BCL11A: variants seen among roughly 807,000 people sequenced by gnomAD.
BCL11A encodes the protein B cell CLL/lymphoma 11A.
BCL11A carries 2 observed loss-of-function variants against 55.9 expected under a neutral mutation model. The ratio of observed to expected loss-of-function variants is 0.04; its 90% CI spans 0.01 to 0.11. The LOEUF (loss-of-function observed/expected upper bound fraction) is 0.11, where lower values mean the gene tolerates loss of function less well. Among genes scored for constraint, BCL11A ranks in the 10% least tolerant of loss-of-function variants. The probability of loss-of-function intolerance (pLI) is 1.00; values close to 1 mark genes in which losing one functional copy is unlikely to be tolerated. For synonymous variants in BCL11A, 465 were observed against 473.4 expected, an observed-to-expected ratio of 0.98 and a Z score of 0.23; for missense variants, 817 against 1,137.1, an observed-to-expected ratio of 0.72 and a Z score of 4.05.
chr2:60,467,215 ACTG>A (rs1231775739), intron 3 of BCL11A, among the ~76,000 whole-genome samples: 2 of 45,800 alleles, frequency 4.4e-5, no homozygotes, highest in Admixed American at 2.5e-4. Context: ...CGGTGATGGT[ACTG>A]GTGATGGTGG....
chr2:60,546,761 A>G lies in BCL11A; in HGVS notation c.56-461T>C, dbSNP rs1379206835. ...TATACACCAAGTTGTCCATTGTGCC[A>G]AAGAATGAAAGGAGAGGTGAATAAA... On this transcript the variant is annotated intron_variant, in intron 1 of 3. Coordinates refer to ENST00000642384, the MANE Select transcript of BCL11A (RefSeq NM_022893.4). The surrounding 1 kb of genome is among the most constrained non-coding windows in gnomAD (Gnocchi z 4.1). Among the ~76,000 whole-genome samples the G allele has an allele frequency of 1.3e-5, 2 of 152,234 alleles. No homozygotes were observed. Among genetic ancestry groups the G allele is most frequent in the African/African-American group, 2.4e-5 (1 of 41,454 alleles).
intron 2 of BCL11A, chr2:60,538,329 G>C (rs1002170490): frequency 6.6e-6 from 1 of 152,214 alleles, no homozygotes; most frequent in Admixed American, 6.5e-5. Context: ...TGCCTTAGAG[G>C]AGCAACCTGT....
rs1420241351 is a variant in BCL11A, at chr2:60,460,469, G to A, written c.2443C>T (p.Leu815=). 1 of 1,612,120 alleles carries A rather than the reference G, an allele frequency of 6.2e-7. No homozygotes were observed. The highest frequency in any genetic ancestry group is 1.3e-5 in the African/African-American group (1 of 75,004). The change falls in exon 4 of 4, where the codon CTG becomes TTG. Residue 815 remains leucine (L), a synonymous_variant. Coordinates refer to ENST00000642384, the MANE Select transcript of BCL11A (RefSeq NM_022893.4). Reference sequence around the variant, plus strand: ...TGCCATTTTTTCATGTGTTTCTCCAGGGTACTGTACACGCTAAAAGGCATC... The same window carrying A: ...TGCCATTTTTTCATGTGTTTCTCCAAGGTACTGTACACGCTAAAAGGCATC... ...CKMPFSVYST[L]EKHMKKWHSD...
chr2:60,458,662 A>G lies in BCL11A; in HGVS notation c.*1742T>C, dbSNP rs542841237. On this transcript the variant is annotated 3_prime_UTR_variant, in exon 4 of 4. Transcript: ENST00000642384. ...ATGAGATTGTGTTCAATTTTTTTTCAGCATTCTTGCAACTTTTCCCTTAAG... is the reference window on the plus strand; with the variant it reads ...ATGAGATTGTGTTCAATTTTTTTTCGGCATTCTTGCAACTTTTCCCTTAAG... The G allele has an allele frequency of 1.9e-6, 2 of 1,030,260 alleles. No homozygotes were observed. The highest frequency in any genetic ancestry group is 6.1e-5 in the East Asian group (1 of 16,332). 63.8% of individuals were successfully genotyped at this position (1,030,260 alleles called of 1,614,324 possible). A position where few individuals can be genotyped will look rare whatever the true frequency, so the allele number is the denominator to read the frequency against.
At chr2:60,523,938 A>T (rs1399890384) in intron 2 of BCL11A, among the ~76,000 whole-genome samples, 1 of 152,230 alleles carries the variant, frequency 6.6e-6, no homozygotes, top group Non-Finnish European at 1.5e-5. Flanking sequence ...AATGTAATGG[A>T]CTATCCCATC....
At chr2:60,488,781 T>C (rs1678439662) in intron 2 of BCL11A, among the ~76,000 whole-genome samples, 1 of 152,082 alleles carries the variant, frequency 6.6e-6, no homozygotes, top group South Asian at 2.1e-4. Context: ...GTTTCTGAGG[T>C]GGAGTTTCGC....
intron 2 of BCL11A, chr2:60,527,811 G>A (rs1240540381): frequency 6.6e-6 from 1 of 152,238 alleles, no homozygotes; most frequent in Non-Finnish European, 1.5e-5. Flanking sequence ...AATTTGAAAG[G>A]ATGGAGAATA....
Position 60,460,863 on chromosome 2 carries a change from A to G in BCL11A, c.2049T>C (p.Pro683=). 1 of 1,613,178 alleles carries G rather than the reference A, an allele frequency of 6.2e-7. No individual in the cohort carries two copies. Among genetic ancestry groups the G allele is most frequent in the East Asian group, 2.2e-5 (1 of 44,868 alleles). Residue 683 remains proline, a synonymous_variant, in exon 4 of 4, where the codon CCT becomes CCC. Transcript: ENST00000642384. The part of the protein sequence containing the change: ...FLSFGDSRQS[P]FASSSEHSSE... ...AGGAGTGCTCCGACGAGGAGGCAAA[A>G]GGCGATTGTCTGGAGTCTCCGAAGC...
At chr2:60,477,796 T>C (rs1224978357) in intron 2 of BCL11A, among the ~76,000 whole-genome samples, 5 of 151,934 alleles carry the variant, frequency 3.3e-5, no homozygotes, top group East Asian at 3.9e-4. Flanking sequence ...TCCTGACTTA[T>C]CATCCAAGAC....
rs1193540356 is a variant in BCL11A, at chr2:60,498,099, TG to T, written c.386-29267del. On this transcript the variant is annotated intron_variant, in intron 2 of 3. Coordinates refer to ENST00000642384, the MANE Select transcript of BCL11A (RefSeq NM_022893.4). ...GGGAGGACATCACTCTTAGCAGGGC[TG>T]GGGTGAGTCAAAAGTCTGGGAGAAT... Among the ~76,000 whole-genome samples, 3 of 151,694 alleles carry T rather than the reference TG, an allele frequency of 2.0e-5. No individual in the cohort carries two copies. In the East Asian group the frequency reaches 5.9e-4, roughly 30 times the overall value.
intron 2 of BCL11A, among the ~76,000 whole-genome samples, chr2:60,518,572 A>T (rs1405438295): frequency 1.3e-5 from 2 of 152,194 alleles, no homozygotes; most frequent in Non-Finnish European, 2.9e-5. Context: ...ACGCAAAGGC[A>T]TGGGGGGACA....
chr2:60,541,107 A>G (rs74936938), intron 2 of BCL11A, among the ~76,000 whole-genome samples: 3,686 of 152,226 alleles, frequency 0.024, 61 homozygotes, highest in Non-Finnish European at 0.039. Flanking sequence ...TGTGTTTCCA[A>G]TAAAAGGCCA....
At chr2:60,547,881 T>G (rs1670226344) in intron 1 of BCL11A, among the ~76,000 whole-genome samples, 2 of 152,210 alleles carry the variant, frequency 1.3e-5, no homozygotes, top group African/African-American at 4.8e-5. Context: ...TCTCATAATT[T>G]CTAGCCTCTG....
chr2:60,529,127 C>A (rs1481723825), intron 2 of BCL11A, among the ~76,000 whole-genome samples: 3 of 152,168 alleles, frequency 2.0e-5, no homozygotes, highest in Non-Finnish European at 4.4e-5. Flanking sequence ...CTCTTTAGAC[C>A]CCCACCTGCC....
chr2:60,514,748 G>T (rs1252077785), intron 2 of BCL11A, among the ~76,000 whole-genome samples: 2 of 151,544 alleles, frequency 1.3e-5, no homozygotes, highest in Non-Finnish European at 2.9e-5. Flanking sequence ...TAGTTGGTCT[G>T]ACTGTCTTTA....
chr2:60,547,388 T>C (rs576011689), intron 1 of BCL11A, among the ~76,000 whole-genome samples: 54 of 152,286 alleles, frequency 3.5e-4, no homozygotes, highest in African/African-American at 1.2e-3. Context: ...GTTTGCTTTT[T>C]TTTTTAACTT....
At chr2:60,477,838 C>G (rs1677708824) in intron 2 of BCL11A, among the ~76,000 whole-genome samples, 1 of 152,160 alleles carries the variant, frequency 6.6e-6, no homozygotes, top group Non-Finnish European at 1.5e-5. Context: ...GCCAGAAGAA[C>G]AGGCAGCCCC....
At chr2:60,473,605 G>C (rs914455726) in intron 2 of BCL11A, among the ~76,000 whole-genome samples, 9 of 152,170 alleles carry the variant, frequency 5.9e-5, no homozygotes, top group African/African-American at 2.2e-4. Context: ...TGAGCTAGAG[G>C]CTTCTTTACC....
chr2:60,477,731 G>T (rs531789195), intron 2 of BCL11A, among the ~76,000 whole-genome samples: 14 of 152,294 alleles, frequency 9.2e-5, no homozygotes, highest in African/African-American at 2.9e-4. Context: ...GGGAGCCATG[G>T]TCAGCAAGTG....
Sources: gnomAD v4.1 joint callset for allele counts (sites outside exome capture counted in the v4.1 genomes callset) on GRCh38, gnomAD v4.1.1 for gene constraint, Gnocchi (gnomAD v3.1) non-coding constraint, MANE v1.5 for transcripts, NCBI Gene and HGNC (gene_info 2026-07-23, HGNC 2026-07-21) for gene names.